RNF175: variants seen among roughly 807,000 people sequenced by gnomAD.
RNF175 encodes the protein ring finger protein 175.
Under a neutral mutation model 50.0 loss-of-function variants are expected in RNF175, and 38 were observed. That is an observed-to-expected ratio of 0.76 (90% confidence interval 0.59 to 1.00). The LOEUF (loss-of-function observed/expected upper bound fraction) is 1.00, where lower values mean the gene tolerates loss of function less well. RNF175 is among the 50% of genes least tolerant of loss of function. The probability of loss-of-function intolerance (pLI) is 0.00; values close to 1 mark genes in which losing one functional copy is unlikely to be tolerated. For missense variants in RNF175, 388 were observed against 409.6 expected (o/e 0.95, Z 0.46); for synonymous variants, 155 against 146.1 (o/e 1.06, Z -0.44).
At chr4:153,754,708 C>T (rs6838237) in intron 1 of RNF175, among the ~76,000 whole-genome samples, 77,913 of 151,836 alleles carry the variant, frequency 0.51, 20,502 homozygotes, top group Middle Eastern at 0.6. Context: ...GAGAAAGGAG[C>T]GGAAGATTTG....
At chr4:153,753,977 T>C (rs988844465) in intron 1 of RNF175, among the ~76,000 whole-genome samples, 19 of 151,042 alleles carry the variant, frequency 1.3e-4, no homozygotes, top group African/African-American at 4.6e-4. Context: ...GAGACCATCC[T>C]GGCTAACATG....
intron 6 of RNF175, among the ~76,000 whole-genome samples, chr4:153,717,169 A>G (rs550030764): frequency 6.6e-6 from 1 of 152,268 alleles, no homozygotes; most frequent in South Asian, 2.1e-4. Context: ...CAATACTACT[A>G]CTATTACTAT....
At chr4:153,741,404 C>T (rs1445891399) in intron 3 of RNF175, among the ~76,000 whole-genome samples, 1 of 152,184 alleles carries the variant, frequency 6.6e-6, no homozygotes, top group Non-Finnish European at 1.5e-5. Flanking sequence ...GAGGTAAAAC[C>T]TAAACAAAAT....
chr4:153,726,320 G>A lies in RNF175; in HGVS notation c.401+1887C>T, dbSNP rs143685293. ...GGACTTCACCATGTTTGCCAGGCTG[G>A]TCTCAAACTCCTGACCTCAGGCGAT... On this transcript the variant is annotated intron_variant, in intron 4 of 8. Coordinates refer to ENST00000347063, the MANE Select transcript of RNF175 (RefSeq NM_173662.4). Among the ~76,000 whole-genome samples, 391 of 152,220 alleles carry A rather than the reference G, an allele frequency of 2.6e-3. 2 individuals carry two copies. Among genetic ancestry groups the A allele is most frequent in the African/African-American group, 8.6e-3 (357 of 41,514 alleles).
At position 153,717,985 on chromosome 4, in the gene RNF175, C is replaced by T. The variant is rs1442274798; in HGVS notation, c.630+2199G>A. ...TATCACACAGAAGAGTTTCACCACT[C>T]TACATTTCCTGTGCTTCACCTATTC... On this transcript the variant is annotated intron_variant, in intron 6 of 8. Coordinates refer to ENST00000347063, the MANE Select transcript of RNF175 (RefSeq NM_173662.4). Among the ~76,000 whole-genome samples, 5 of 152,244 alleles carry T rather than the reference C, an allele frequency of 3.3e-5. No homozygotes were observed. The South Asian group carries it at 8.3e-4, about 25-fold the overall frequency.
intron 8 of RNF175, among the ~76,000 whole-genome samples, chr4:153,711,669 C>T (rs543611855): frequency 8.5e-5 from 13 of 152,316 alleles, no homozygotes; most frequent in Non-Finnish European, 1.8e-4. Flanking sequence ...CCTTTCAGGA[C>T]TCTTCTGCTT....
rs1193278432 is a variant in RNF175, at chr4:153,712,488, T to A, written c.853A>T (p.Met285Leu). ...YCKEKVDLKR[M>L]ISNPWERTHF... ...TTTAAAGGATATGGATTACTGATCA[T>A]CCTCTTCAAATCAACTTTCTCTTTG... Residue 285 changes from methionine (M) to leucine (L), a missense_variant, in exon 8 of 9, where the codon ATG becomes TTG. Met to Leu is a conservative substitution (Grantham distance 15, BLOSUM62 2). Coordinates refer to ENST00000347063, the MANE Select transcript of RNF175 (RefSeq NM_173662.4). 2.5e-6 allele frequency: 4 copies of A among 1,594,884 alleles called. No individual in the cohort carries two copies. Among genetic ancestry groups the A allele is most frequent in the Non-Finnish European group, 3.4e-6 (4 of 1,163,272 alleles).
At chr4:153,732,526 T>C (rs752442280) in intron 3 of RNF175, among the ~76,000 whole-genome samples, 6 of 152,226 alleles carry the variant, frequency 3.9e-5, no homozygotes, top group Non-Finnish European at 7.3e-5. Flanking sequence ...CAGCTATTAA[T>C]AGGCAGGAAG....
chr4:153,715,327 G>A (rs1470704749), intron 7 of RNF175: 2 of 640,596 alleles, frequency 3.1e-6, no homozygotes, highest in East Asian at 5.7e-5. Flanking sequence ...GGAAATTACT[G>A]GAGGAGGAGG....
intron 6 of RNF175, among the ~76,000 whole-genome samples, chr4:153,718,222 G>GTTTTTTTTTTT (rs1460898288): frequency 0.019 from 717 of 37,412 alleles, 198 homozygotes; most frequent in Non-Finnish European, 0.031. Context: ...TTTTTTGTTT[G>GTTTTTTTTTTT]TTTGTTTGTT....
chr4:153,728,433 G>A lies in RNF175; in HGVS notation c.247-72C>T, dbSNP rs1490996389. 4.6e-6 allele frequency: 6 copies of A among 1,307,722 alleles called. No homozygotes were observed. In the East Asian group the frequency reaches 1.4e-4, roughly 30 times the overall value. The allele number at this position is 1,307,722 out of a possible 1,614,324, so 81.0% of individuals were successfully genotyped here. ...GAATGGCATCTCCACTATTAAATGA[G>A]TCTGAAGCATTGCTGGGAGAACCAC... On this transcript the variant is annotated intron_variant, in intron 3 of 8. Coordinates refer to ENST00000347063, the MANE Select transcript of RNF175 (RefSeq NM_173662.4).
Position 153,759,902 on chromosome 4 carries a change from C to T in RNF175, c.-40G>A. On this transcript the variant is annotated 5_prime_UTR_variant, in exon 1 of 9. Coordinates refer to ENST00000347063, the MANE Select transcript of RNF175 (RefSeq NM_173662.4). ...GCCTTCTCCAGGGCACAGCGCCTGC[C>T]GGGGAGGGTCCCGCAGAGTCCGCAG... 1 of 1,275,738 alleles carries T rather than the reference C, an allele frequency of 7.8e-7. No homozygotes were observed. The highest frequency in any genetic ancestry group is 1.0e-6 in the Non-Finnish European group (1 of 990,372). The allele number at this position is 1,275,738 out of a possible 1,614,324, so 79.0% of individuals were successfully genotyped here.
chr4:153,753,566 T>C (rs1740405316), intron 1 of RNF175, among the ~76,000 whole-genome samples: 1 of 151,776 alleles, frequency 6.6e-6, no homozygotes, highest in Admixed American at 6.6e-5. Context: ...CTCTCTTTTT[T>C]TTTTTCCCGA....
At position 153,712,576 on chromosome 4, in the gene RNF175, G is replaced by A. The variant is rs201149369; in HGVS notation, c.765C>T (p.Val255=). The change falls in exon 8 of 9, where the codon GTC becomes GTT. Residue 255 remains valine, a splice_region_variant and synonymous_variant. Transcript: ENST00000347063. The stretch of plus-strand genomic sequence containing the variant: ...AACCTCGGATGCAGAATTCATGAAA[G>A]CTGAAGCATCTTGTTAGGGAGGCTT... ...ENTYQLSCNH[V]FHEFCIRGWC... 2 of 1,605,338 alleles carry A rather than the reference G, an allele frequency of 1.2e-6. No homozygotes were observed. Among genetic ancestry groups the A allele is most frequent in the African/African-American group, 1.3e-5 (1 of 74,916 alleles).
chr4:153,715,425 G>T, intron 7 of RNF175, 104 bp downstream of exon 7: 1 of 1,141,880 alleles, frequency 8.8e-7, no homozygotes. Flanking sequence ...GTTTGGGCAT[G>T]GAAGGTAAGC....
chr4:153,737,481 G>A (rs998827744), intron 3 of RNF175, among the ~76,000 whole-genome samples: 2 of 151,992 alleles, frequency 1.3e-5, no homozygotes, highest in African/African-American at 4.8e-5. Context: ...TGCTTTTGCT[G>A]CATCCCAGAA....
chr4:153,748,020 C>T (rs138836689), intron 3 of RNF175, among the ~76,000 whole-genome samples: 1 of 152,302 alleles, frequency 6.6e-6, no homozygotes, highest in East Asian at 1.9e-4. Flanking sequence ...GAAAATGGGT[C>T]CACATTCATG....
chr4:153,716,331 T>C (rs1229517796), intron 6 of RNF175, among the ~76,000 whole-genome samples: 1 of 152,182 alleles, frequency 6.6e-6, no homozygotes, highest in Non-Finnish European at 1.5e-5. Context: ...AATCCATAGA[T>C]TGGCCCTTCC....
chr4:153,718,230 G>GTTTTTTTTTTTTTTTTTTTTTTTTTT (rs1272804247), intron 6 of RNF175, among the ~76,000 whole-genome samples: 4 of 31,862 alleles, frequency 1.3e-4, no homozygotes, highest in African/African-American at 3.3e-4. Flanking sequence ...TTGTTTGTTT[G>GTTTTTTTTTTTTTTTTTTTTTTTTTT]TTTGTTTGTT....
Sources: gnomAD v4.1 joint callset for allele counts (sites outside exome capture counted in the v4.1 genomes callset) on GRCh38, gnomAD v4.1.1 for gene constraint, MANE v1.5 for transcripts, NCBI Gene and HGNC (gene_info 2026-07-23, HGNC 2026-07-21) for gene names.